The following ABTB2 variants were observed in gnomAD, a reference collection of about 807,000 sequenced individuals.
ABTB2 encodes the protein ankyrin repeat and BTB/POZ domain-containing protein 2.
In ABTB2, 56 loss-of-function variants were observed where a neutral mutation model predicts 104.1. The ratio of observed to expected loss-of-function variants is 0.54; its 90% CI spans 0.43 to 0.67. The LOEUF (loss-of-function observed/expected upper bound fraction) is 0.67. Ranked by LOEUF, ABTB2 falls within the 30% of genes least tolerant of loss-of-function variation. The pLI is 0.00. For synonymous variants in ABTB2, 606 were observed against 608.2 expected (o/e 1.00, Z 0.05); for missense variants, 1,279 against 1,407.7 (o/e 0.91, Z 1.46).
chr11:34,159,332 G>C lies in ABTB2; in HGVS notation c.2661C>G (p.Thr887=). The C allele has an allele frequency of 6.2e-7, 1 of 1,613,986 alleles. No homozygotes were observed. Among genetic ancestry groups the C allele is most frequent in the Non-Finnish European group, 8.5e-7 (1 of 1,179,936 alleles). The change falls in exon 14 of 17, where the codon ACC becomes ACG. Residue 887 remains threonine, a synonymous_variant. Transcript: ENST00000435224. The part of the protein sequence containing the change: ...KSEQDGDSSK[T]IEISDMKYHI... ...GGTACTTCATGTCGCTGATCTCGATGGTCTTGCTGCTGTCCCCATCCTGTT... is the reference window on the plus strand; with the variant it reads ...GGTACTTCATGTCGCTGATCTCGATCGTCTTGCTGCTGTCCCCATCCTGTT...
At chr11:34,178,932 A>G (rs1375874636) in intron 3 of ABTB2, among the ~76,000 whole-genome samples, 1 of 152,002 alleles carries the variant, frequency 6.6e-6, no homozygotes, top group Non-Finnish European at 1.5e-5. Context: ...AAAAATTAGC[A>G]GGGTGTGGTG....
At chr11:34,276,803 G>A (rs1258589145) in intron 1 of ABTB2, among the ~76,000 whole-genome samples, 3 of 152,200 alleles carry the variant, frequency 2.0e-5, no homozygotes, top group South Asian at 2.1e-4. Context: ...GGCTTCAGAC[G>A]TGACCTAATA....
chr11:34,267,622 A>G (rs1854266754), intron 1 of ABTB2, among the ~76,000 whole-genome samples: 1 of 152,220 alleles, frequency 6.6e-6, no homozygotes, highest in Admixed American at 6.5e-5. Context: ...TTGAAAAGGA[A>G]TCACCCTAGT....
At chr11:34,277,799 C>CTTTTT (rs1163442976) in intron 1 of ABTB2, among the ~76,000 whole-genome samples, 3 of 120,722 alleles carry the variant, frequency 2.5e-5, no homozygotes, top group African/African-American at 3.5e-5. Context: ...AACAGATTCT[C>CTTTTT]TTTTTTTTTT....
At chr11:34,189,120 C>A (rs187799781) in intron 3 of ABTB2, 2 of 152,276 alleles carry the variant, frequency 1.3e-5, no homozygotes, top group African/African-American at 4.8e-5. Context: ...TACAGCTTGA[C>A]CTTGAAGTAT....
intron 1 of ABTB2, among the ~76,000 whole-genome samples, chr11:34,209,340 T>C (rs946389080): frequency 2.0e-5 from 3 of 150,188 alleles, no homozygotes; most frequent in African/African-American, 7.4e-5. Flanking sequence ...AGCCTCTGTC[T>C]CCAAAAAAAA....
chr11:34,204,591 A>C lies in ABTB2; in HGVS notation c.983T>G (p.Leu328Arg), dbSNP rs1487595507. The C allele has an allele frequency of 1.9e-6, 3 of 1,613,718 alleles. No homozygotes were observed. Among genetic ancestry groups the C allele is most frequent in the Admixed American group, 1.7e-5 (1 of 60,012 alleles). Residue 328 changes from leucine to arginine, a missense_variant, in exon 2 of 17, where the codon CTG (leucine) becomes CGG (arginine). Leu to Arg is a moderately radical substitution (Grantham distance 102, BLOSUM62 -2). Coordinates refer to ENST00000435224, the MANE Select transcript of ABTB2 (RefSeq NM_145804.3). ...DAYAQLELRT[L>R]EQSLLATCVG... Reference sequence around the variant, plus strand: ...GCAGGTGGCCAGGAGGGACTGCTCCAGGGTTCGGAGCTCCAGCTGGGCATA... The same window carrying C: ...GCAGGTGGCCAGGAGGGACTGCTCCCGGGTTCGGAGCTCCAGCTGGGCATA...
At chr11:34,279,900 T>C (rs1401552323) in intron 1 of ABTB2, among the ~76,000 whole-genome samples, 1 of 150,786 alleles carries the variant, frequency 6.6e-6, no homozygotes, top group Middle Eastern at 3.2e-3. Context: ...GTGATTCTCC[T>C]GACTCAGCCT....
chr11:34,223,129 A>T (rs536524267), intron 1 of ABTB2, among the ~76,000 whole-genome samples: 2 of 152,336 alleles, frequency 1.3e-5, no homozygotes, highest in Admixed American at 1.3e-4. Context: ...TATAAACGTC[A>T]CATGGACAAG....
rs569665853 is a variant in ABTB2, at chr11:34,301,558, T to C, written c.883+55143A>G. ...CTGAAAGAAGAGAATAGATAAATGC[T>C]GTTGAATTTTGTTCTCTGAATAACA... On this transcript the variant is annotated intron_variant, in intron 1 of 16. Transcript: ENST00000435224. 9.8e-5 allele frequency among the ~76,000 whole-genome samples: 15 copies of C among 152,376 alleles called. No homozygotes were observed. In the South Asian group the frequency reaches 3.1e-3, roughly 32 times the overall value.
chr11:34,322,440 T>C (rs1381198348), intron 1 of ABTB2, among the ~76,000 whole-genome samples: 9 of 152,164 alleles, frequency 5.9e-5, no homozygotes, highest in Non-Finnish European at 1.2e-4. Context: ...CTGGGCATGG[T>C]GGCATGCACC....
intron 1 of ABTB2, among the ~76,000 whole-genome samples, chr11:34,213,051 G>A (rs993472229): frequency 7.9e-5 from 12 of 152,172 alleles, no homozygotes; most frequent in African/African-American, 2.9e-4. Context: ...GGAATCCTTT[G>A]GGCCTGCTGG....
intron 1 of ABTB2, among the ~76,000 whole-genome samples, chr11:34,273,392 C>T (rs1385301130): frequency 1.3e-5 from 2 of 152,186 alleles, no homozygotes; most frequent in African/African-American, 4.8e-5. Flanking sequence ...TGGGGAACCT[C>T]GACCGACTCC....
Position 34,225,974 on chromosome 11 carries a change from C to T in ABTB2, c.884-21284G>A, listed in dbSNP as rs1006264473. Reference sequence around the variant, plus strand: ...ATCCCAGCACTTTGGGAAGCCGAGGCGGGTGGATTGCCTGAGCTCAGGAGT... The same window carrying T: ...ATCCCAGCACTTTGGGAAGCCGAGGTGGGTGGATTGCCTGAGCTCAGGAGT... On this transcript the variant is annotated intron_variant, in intron 1 of 16. Coordinates refer to ENST00000435224, the MANE Select transcript of ABTB2 (RefSeq NM_145804.3). Among the ~76,000 whole-genome samples the T allele has an allele frequency of 1.3e-4, 20 of 151,530 alleles. No homozygotes were observed. The South Asian group carries it at 1.5e-3, about 11-fold the overall frequency.
At chr11:34,268,983 A>G (rs1303103042) in intron 1 of ABTB2, among the ~76,000 whole-genome samples, 4 of 152,196 alleles carry the variant, frequency 2.6e-5, no homozygotes, top group African/African-American at 7.2e-5. Context: ...CTAGGGGTTA[A>G]GACTTCAACA....
intron 9 of ABTB2, among the ~76,000 whole-genome samples, chr11:34,164,067 G>A (rs1002253036): frequency 1.4e-4 from 22 of 152,160 alleles, no homozygotes; most frequent in Middle Eastern, 6.8e-3. Flanking sequence ...GAATGGTGTC[G>A]GGGAACTGGA....
chr11:34,208,717 C>T (rs1853439312), intron 1 of ABTB2, among the ~76,000 whole-genome samples: 1 of 152,082 alleles, frequency 6.6e-6, no homozygotes. Flanking sequence ...TCTGTGAGTA[C>T]AGCACCGTGG....
intron 16 of ABTB2, 73 bp from the exon 17 acceptor site, chr11:34,152,657 T>C: frequency 7.1e-7 from 1 of 1,410,234 alleles, no homozygotes; most frequent in East Asian, 2.3e-5. Context: ...CCCCAAATAC[T>C]ACCTACCCAT....
chr11:34,163,178 G>A (rs1214834554), intron 9 of ABTB2, among the ~76,000 whole-genome samples: 4 of 152,008 alleles, frequency 2.6e-5, no homozygotes, highest in Non-Finnish European at 4.4e-5. Context: ...ACTTTCCTGG[G>A]GCTTATGTGA....
Sources: allele counts gnomAD v4.1 joint callset (sites outside exome capture counted in the v4.1 genomes callset), GRCh38; gene constraint gnomAD v4.1.1; transcripts MANE v1.5; gene names NCBI Gene and HGNC (gene_info 2026-07-23, HGNC 2026-07-21).